The following WHR1 variants were observed in gnomAD, a reference collection of about 807,000 sequenced individuals.
WHR1 encodes the protein MHC class III HLA-RP1.
the WHR1 span, chr6:31,979,007 CTG>C: frequency 1.9e-6 from 3 of 1,611,652 alleles, no homozygotes; most frequent in Admixed American, 1.7e-5. Flanking sequence ...GAGTATGTGA[CTG>C]TGTGCGTCAG....
At chr6:31,979,713 C>G in the WHR1 span, 1 of 942,138 alleles carries the variant, frequency 1.1e-6, no homozygotes, top group South Asian at 1.7e-5. Context: ...TTGTATTCCT[C>G]CCCACAAGAG....
the WHR1 span, chr6:31,980,673 C>T: frequency 6.2e-7 from 1 of 1,602,286 alleles, no homozygotes; most frequent in African/African-American, 1.3e-5. Context: ...CTGTCCTTAG[C>T]ATGGTCCGGA....
chr6:31,979,564 T>C, the WHR1 span: 1 of 1,612,478 alleles, frequency 6.2e-7, no homozygotes, highest in Non-Finnish European at 8.5e-7. Context: ...GTGAGACTTG[T>C]GGAACCAACC....
chr6:31,979,381 G>T, the WHR1 span: 1 of 1,611,982 alleles, frequency 6.2e-7, no homozygotes, highest in Non-Finnish European at 8.5e-7. Flanking sequence ...AGTGAGGGTG[G>T]GGATGGACCA....
At chr6:31,972,135 C>T in the WHR1 span, 1 of 1,613,020 alleles carries the variant, frequency 6.2e-7, no homozygotes, top group Non-Finnish European at 8.5e-7. This position sits in a 1 kb window ranked among gnomAD's most constrained non-coding sequence, Gnocchi z 6.3. Context: ...TCCACGCCGC[C>T]AACGAGTCCC....
chr6:31,980,060 T>A, the WHR1 span: 4 of 261,966 alleles, frequency 1.5e-5, no homozygotes, highest in Admixed American at 4.8e-5. Flanking sequence ...GCAGACACAC[T>A]CTCAGAGAGA....
At chr6:31,980,979 C>T in the WHR1 span, 1 of 578,170 alleles carries the variant, frequency 1.7e-6, no homozygotes. Context: ...GCGTCTGGCT[C>T]CAGCCTTGTC....
chr6:31,974,156 C>T, the WHR1 span, among the ~76,000 whole-genome samples: 12 of 151,702 alleles, frequency 7.9e-5, no homozygotes, highest in African/African-American at 2.2e-4. Context: ...TGGTGGTACG[C>T]GCCTATAGAG....
chr6:31,972,429 T>C, the WHR1 span: 32 of 1,612,934 alleles, frequency 2.0e-5, no homozygotes, highest in Non-Finnish European at 2.7e-5. The surrounding 1 kb of genome is among the most constrained non-coding windows in gnomAD (Gnocchi z 6.3). Context: ...GGAAGAGGCA[T>C]CACCTGATCC....
At chr6:31,975,935 G>A in the WHR1 span, among the ~76,000 whole-genome samples, 10 of 143,806 alleles carry the variant, frequency 7.0e-5, no homozygotes, top group Admixed American at 1.4e-4. Flanking sequence ...CCTCCCGGAC[G>A]GGGCGGCTGG....
chr6:31,979,840 T>C, the WHR1 span: 2 of 349,904 alleles, frequency 5.7e-6, no homozygotes, highest in Non-Finnish European at 1.1e-5. Flanking sequence ...ATGTTAATCA[T>C]ACTGGGACTA....
At chr6:31,972,789 C>T in the WHR1 span, 1 of 1,606,388 alleles carries the variant, frequency 6.2e-7, no homozygotes, top group Non-Finnish European at 8.5e-7. The surrounding 1 kb of genome is among the most constrained non-coding windows in gnomAD (Gnocchi z 6.3). Context: ...GCCGGAAGCC[C>T]CTTTCCTAAC....
At chr6:31,972,076 G>A in the WHR1 span, 1 of 1,613,022 alleles carries the variant, frequency 6.2e-7, no homozygotes, top group Admixed American at 1.7e-5. The surrounding 1 kb of genome is among the most constrained non-coding windows in gnomAD (Gnocchi z 6.3). Context: ...GGCGGGGGAG[G>A]TGTGAGCTTC....
chr6:31,979,368 G>A, the WHR1 span: 1 of 1,600,964 alleles, frequency 6.2e-7, no homozygotes, highest in Non-Finnish European at 8.5e-7. Context: ...GAGGTTGGTA[G>A]AGAGTGAGGG....
chr6:31,974,873 C>G, the WHR1 span, among the ~76,000 whole-genome samples: 1 of 152,176 alleles, frequency 6.6e-6, no homozygotes, highest in Non-Finnish European at 1.5e-5. Flanking sequence ...GGAAGGCAGT[C>G]TAGCACTCAC....
the WHR1 span, chr6:31,972,486 G>A: frequency 1.9e-6 from 3 of 1,612,286 alleles, no homozygotes; most frequent in Non-Finnish European, 2.5e-6. The surrounding 1 kb of genome is among the most constrained non-coding windows in gnomAD (Gnocchi z 6.3). Context: ...GGCCTGTGGA[G>A]TCGGATCCTC....
At chr6:31,971,783 C>T in the WHR1 span, 7 of 1,371,542 alleles carry the variant, frequency 5.1e-6, no homozygotes, top group Non-Finnish European at 6.8e-6. This position sits in a 1 kb window ranked among gnomAD's most constrained non-coding sequence, Gnocchi z 4.5. Context: ...AGGCTCTGGC[C>T]TTGAAACATT....
chr6:31,975,882 G>A, the WHR1 span, among the ~76,000 whole-genome samples: 5 of 150,520 alleles, frequency 3.3e-5, no homozygotes, highest in African/African-American at 9.8e-5. Context: ...CTCACCTCCC[G>A]GACAGGGCGG....
At chr6:31,979,606 C>A in the WHR1 span, 1 of 1,598,634 alleles carries the variant, frequency 6.3e-7, no homozygotes, top group African/African-American at 1.3e-5. Context: ...CCCTGCCTCC[C>A]TCCAGTTCCA....
Sources: gnomAD v4.1 joint callset for allele counts (sites outside exome capture counted in the v4.1 genomes callset) on GRCh38, gnomAD v4.1.1 for gene constraint, Gnocchi (gnomAD v3.1) non-coding constraint, MANE v1.5 for transcripts, NCBI Gene and HGNC (gene_info 2026-07-23, HGNC 2026-07-21) for gene names.